The following WDR86 variants were observed in gnomAD, a reference collection of about 807,000 sequenced individuals.
WDR86 encodes WD repeat domain 86.
Under a neutral mutation model 36.5 loss-of-function variants are expected in WDR86, and 30 were observed. The observed-to-expected ratio is 0.82, with a 90% CI of 0.61 to 1.11. The LOEUF is 1.11. Ranked by LOEUF, WDR86 falls within the 50% of genes most tolerant of loss-of-function variation. The pLI is 0.00. For synonymous variants in WDR86, 255 were observed against 252.9 expected, an observed-to-expected ratio of 1.01 and a Z score of -0.08; for missense variants, 545 against 561.2, an observed-to-expected ratio of 0.97 and a Z score of 0.29.
Position 151,381,176 on chromosome 7 carries a change from C to T in WDR86, c.*406G>A, listed in dbSNP as rs1339604402. The T allele has an allele frequency of 1.6e-6, 2 of 1,251,040 alleles. No homozygotes were observed. The highest frequency in any genetic ancestry group is 2.0e-6 in the Non-Finnish European group (2 of 1,000,638). 77.5% of individuals were successfully genotyped at this position (1,251,040 alleles called of 1,614,324 possible). The stretch of plus-strand genomic sequence containing the variant: ...TTCCCCCCAAGGCCCTCGAGACGGA[C>T]GATTTGCCAAAATAACCAGGTTCAG... On this transcript the variant is annotated 3_prime_UTR_variant, in exon 6 of 6. Coordinates refer to ENST00000334493, the MANE Select transcript of WDR86 (RefSeq NM_198285.3). This position sits in a 1 kb window ranked among gnomAD's most constrained non-coding sequence, Gnocchi z 4.8.
Position 151,396,169 on chromosome 7 carries a change from G to A in WDR86, c.333C>T (p.Phe111=). ...NRILVANNQL[F]SSSYDRTARV... The stretch of plus-strand genomic sequence containing the variant: ...GAGCTGTCCGGTCATAGGAGCTGCT[G>A]AAGAGCTGGTTGTTGGCAACCAGGA... The change falls in exon 3 of 6, where the codon TTC becomes TTT. Residue 111 remains phenylalanine, a synonymous_variant. Coordinates refer to ENST00000334493, the MANE Select transcript of WDR86 (RefSeq NM_198285.3). 2 of 1,612,960 alleles carry A rather than the reference G, an allele frequency of 1.2e-6. No individual in the cohort carries two copies. The highest frequency in any genetic ancestry group is 1.7e-6 in the Non-Finnish European group (2 of 1,179,884).
At chr7:151,395,338 C>T (rs1239498114) in intron 3 of WDR86, among the ~76,000 whole-genome samples, 1 of 152,216 alleles carries the variant, frequency 6.6e-6, no homozygotes, top group African/African-American at 2.4e-5. Context: ...TGCATCATGC[C>T]CACCCCAGAT....
At chr7:151,400,760 G>A (rs1056234988) in intron 1 of WDR86, among the ~76,000 whole-genome samples, 1 of 152,222 alleles carries the variant, frequency 6.6e-6, no homozygotes, top group African/African-American at 2.4e-5. Flanking sequence ...AGGCACGACA[G>A]ATAGTCAGGG....
rs989408109 is a variant in WDR86 at position 151,405,045 on chromosome 7, A to T, written c.163+4382T>A. Among the ~76,000 whole-genome samples, 1 of 152,160 alleles carries T rather than the reference A, an allele frequency of 6.6e-6. No individual in the cohort carries two copies. Among genetic ancestry groups the T allele is most frequent in the African/African-American group, 2.4e-5 (1 of 41,450 alleles). On this transcript the variant is annotated intron_variant, in intron 1 of 5. Coordinates refer to ENST00000334493, the MANE Select transcript of WDR86 (RefSeq NM_198285.3). This position sits in a 1 kb window ranked among gnomAD's most constrained non-coding sequence, Gnocchi z 4.7. The stretch of plus-strand genomic sequence containing the variant: ...TGGTTTGCTCCAGCCCTTGTAGCAC[A>T]AGGGTTATTTTCACCTGTGGGGGAG...
At chr7:151,386,316 G>C (rs1363592324) in intron 3 of WDR86, among the ~76,000 whole-genome samples, 2 of 152,166 alleles carry the variant, frequency 1.3e-5, no homozygotes, top group African/African-American at 4.8e-5. Context: ...TCCACGACCC[G>C]GGCCACAGCC....
chr7:151,395,494 GACACACACACACACACACACACACAC>G (rs57122668), intron 3 of WDR86, among the ~76,000 whole-genome samples: 5 of 147,060 alleles, frequency 3.4e-5, no homozygotes, highest in African/African-American at 1.0e-4. Context: ...AAGAGATTAG[GACACACACACACACACACACACACAC>G]ACACACACAC....
Position 151,381,991 on chromosome 7 carries a change from C to T in WDR86, c.863-10G>A. ...CCGCTGCCCGTGAACACTGCGGACA[C>T]ACAGCGCGCGCTGGGCCTCCCTCCC... On this transcript the variant is annotated splice_polypyrimidine_tract_variant and intron_variant, in intron 4 of 5. Transcript: ENST00000334493. The surrounding 1 kb of genome is among the most constrained non-coding windows in gnomAD (Gnocchi z 4.8). 6.3e-7 allele frequency: 1 copy of T among 1,589,740 alleles called. No individual in the cohort carries two copies. The highest frequency in any genetic ancestry group is 8.6e-7 in the Non-Finnish European group (1 of 1,169,056).
chr7:151,374,350 C>A (rs1798107143), downstream of WDR86: 2 of 1,372,686 alleles, frequency 1.5e-6, no homozygotes, highest in East Asian at 2.5e-5. Context: ...CTATGGGCTG[C>A]CCCGTCATCC....
rs34882878 is a variant in WDR86 at position 151,389,118 on chromosome 7, C to CTTTT, written c.727-3899_727-3896dup. On this transcript the variant is annotated intron_variant, in intron 3 of 5. Coordinates refer to ENST00000334493, the MANE Select transcript of WDR86 (RefSeq NM_198285.3). ...TCTGCACCTTTTTTTCTTTTCTTTC[C>CTTTT]TTTTTTTTTTTTTTTTTGTTTGAGA... is the stretch of plus-strand genomic sequence containing the variant. Among the ~76,000 whole-genome samples, 6 of 125,558 alleles carry CTTTT rather than the reference C, an allele frequency of 4.8e-5. No homozygotes were observed. The South Asian group carries it at 1.2e-3, about 25-fold the overall frequency. The allele number at this position is 125,558 out of a possible 152,430, so 82.4% of individuals were successfully genotyped here. A position where few individuals can be genotyped will look rare whatever the true frequency, so the allele number is the denominator to read the frequency against.
rs1461617293 is a variant in WDR86, at chr7:151,410,016, G to C, written c.-427C>G. On this transcript the variant is annotated 5_prime_UTR_variant, in exon 1 of 6. Transcript: ENST00000334493. Reference sequence around the variant, plus strand: ...AAGCCGAGCGCCCCGCGCCCTCCCCGGCCGAGCGCGGAACAATACGGTCCA... The same window carrying C: ...AAGCCGAGCGCCCCGCGCCCTCCCCCGCCGAGCGCGGAACAATACGGTCCA... 3.0e-6 allele frequency: 3 copies of C among 994,534 alleles called. No individual in the cohort carries two copies. In the East Asian group the frequency reaches 3.3e-4, roughly 108 times the overall value. The allele number at this position is 994,534 out of a possible 1,614,324, so 61.6% of individuals were successfully genotyped here. A position where few individuals can be genotyped will look rare whatever the true frequency, so the allele number is the denominator to read the frequency against.
chr7:151,382,028 C>A, intron 4 of WDR86, 47 bp from the exon 5 acceptor site: 1 of 1,524,542 alleles, frequency 6.6e-7, no homozygotes, highest in Non-Finnish European at 8.9e-7. Flanking sequence ...GCTCGGCCCC[C>A]CGCAAGCAGG....
chr7:151,369,795 C>A, the WDR86 span, among the ~76,000 whole-genome samples: 1 of 152,202 alleles, frequency 6.6e-6, no homozygotes, highest in African/African-American at 2.4e-5. Context: ...TCTCTAGAAT[C>A]TTCACATGTA....
intron 2 of WDR86, among the ~76,000 whole-genome samples, chr7:151,399,774 T>A (rs1800145002): frequency 6.6e-6 from 1 of 152,216 alleles, no homozygotes. Flanking sequence ...TCCTATGGAA[T>A]TTGTCCCCAT....
At chr7:151,369,012 C>CTTT in the WDR86 span, 1 of 1,001,422 alleles carries the variant, frequency 1.0e-6, no homozygotes, top group Non-Finnish European at 1.4e-6. Flanking sequence ...GAAACTTGTC[C>CTTT]TTTTTTTTTT....
intron 4 of WDR86, 66 bp downstream of exon 4, chr7:151,385,005 GGGAAAATCCCATAGGAA>G: frequency 2.1e-6 from 3 of 1,436,848 alleles, no homozygotes; most frequent in Non-Finnish European, 1.9e-6. Flanking sequence ...GGCTCAATGA[GGGAAAATCCCATAGGAA>G]GTAAAGAAGC....
At chr7:151,395,407 G>C (rs958697209) in intron 3 of WDR86, among the ~76,000 whole-genome samples, 9 of 151,706 alleles carry the variant, frequency 5.9e-5, no homozygotes, top group African/African-American at 2.2e-4. Context: ...TTTGAAAGAG[G>C]GTCTTTAAAA....
rs1026945713 is a variant in WDR86, at chr7:151,401,942, G to T, written c.164-1701C>A. Among the ~76,000 whole-genome samples, 5 of 149,428 alleles carry T rather than the reference G, an allele frequency of 3.3e-5. No homozygotes were observed. Among genetic ancestry groups the T allele is most frequent in the African/African-American group, 1.2e-4 (5 of 40,410 alleles). ...TGGGCGCCTGTAATCCCAGCTACTC[G>T]GGAGGCTGAGGCAGAGAACTGCTTG... On this transcript the variant is annotated intron_variant, in intron 1 of 5. Coordinates refer to ENST00000334493, the MANE Select transcript of WDR86 (RefSeq NM_198285.3). The surrounding 1 kb of genome is among the most constrained non-coding windows in gnomAD (Gnocchi z 4.3).
intron 1 of WDR86, among the ~76,000 whole-genome samples, chr7:151,400,602 C>T (rs1226791492): frequency 2.0e-5 from 3 of 152,168 alleles, no homozygotes; most frequent in Non-Finnish European, 4.4e-5. Context: ...AGGCTGGTCT[C>T]GAACTCCTGA....
In WDR86 at chr7:151,407,384, C is replaced by G. The variant is rs111653903; in HGVS notation, c.163+2043G>C. On this transcript the variant is annotated intron_variant, in intron 1 of 5. Transcript: ENST00000334493. Reference sequence around the variant, plus strand: ...CTCCAGAGCTGCCGTGGGGGCAAAGCCAAGTGCCCACCAGGCTACCGGCAG... The same window carrying G: ...CTCCAGAGCTGCCGTGGGGGCAAAGGCAAGTGCCCACCAGGCTACCGGCAG... Among the ~76,000 whole-genome samples the G allele has an allele frequency of 3.4e-3, 514 of 152,328 alleles. 7 individuals are homozygous for G. The highest frequency in any genetic ancestry group is 0.012 in the African/African-American group (496 of 41,578).
Sources: gnomAD v4.1 joint callset for allele counts (sites outside exome capture counted in the v4.1 genomes callset) on GRCh38, gnomAD v4.1.1 for gene constraint, Gnocchi (gnomAD v3.1) non-coding constraint, MANE v1.5 for transcripts, NCBI Gene and HGNC (gene_info 2026-07-23, HGNC 2026-07-21) for gene names.